Variants in SPATA18 observed in about 807,000 individuals in gnomAD.
SPATA18 encodes spermatogenesis associated 18.
In SPATA18, 54 loss-of-function variants were observed where a neutral mutation model predicts 68.1. The observed-to-expected ratio is 0.79, with a 90% CI of 0.64 to 0.99. SPATA18 has a LOEUF of 0.99. Among genes scored for constraint, SPATA18 ranks in the 50% least tolerant of loss-of-function variants. SPATA18 has a pLI of 0.00. For missense variants in SPATA18, 724 were observed against 681.1 expected (o/e 1.06, Z -0.70); for synonymous variants, 242 against 244.8 (o/e 0.99, Z 0.11).
At chr4:52,091,946 G>T (rs1037628123) in intron 11 of SPATA18, among the ~76,000 whole-genome samples, 1 of 152,214 alleles carries the variant, frequency 6.6e-6, no homozygotes, top group East Asian at 1.9e-4. Context: ...CAGCAGCCTT[G>T]CTGAGCTGCA....
chr4:52,090,752 C>T (rs769181993), intron 11 of SPATA18, among the ~76,000 whole-genome samples: 12 of 152,014 alleles, frequency 7.9e-5, no homozygotes, highest in African/African-American at 1.4e-4. Flanking sequence ...GTGAATCTGA[C>T]GATTATGTGT....
chr4:52,082,529 G>C lies in SPATA18; in HGVS notation c.1479+19G>C, dbSNP rs772323666. 2.5e-6 allele frequency: 4 copies of C among 1,613,984 alleles called. No individual in the cohort carries two copies. Among genetic ancestry groups the C allele is most frequent in the Non-Finnish European group, 3.4e-6 (4 of 1,179,914 alleles). On this transcript the variant is annotated intron_variant, in intron 10 of 12. Transcript: ENST00000295213. ...GGCTTTTGTACGGTGGCCTTGCATA[G>C]TGACAATTCATCCCAAGTGTTTGAT...
intron 11 of SPATA18, among the ~76,000 whole-genome samples, chr4:52,089,061 T>G (rs938691863): frequency 2.0e-5 from 3 of 152,236 alleles, no homozygotes; most frequent in Non-Finnish European, 4.4e-5. Flanking sequence ...TTTTCTAGTT[T>G]ATTTGTGAAG....
At chr4:52,073,670 C>A (rs2109466044) in intron 6 of SPATA18, among the ~76,000 whole-genome samples, 1 of 152,270 alleles carries the variant, frequency 6.6e-6, no homozygotes, top group South Asian at 2.1e-4. Context: ...CCTCTGGAGG[C>A]TGAGGCAGGA....
chr4:52,084,448 A>T (rs1741243284), intron 10 of SPATA18, among the ~76,000 whole-genome samples: 1 of 152,208 alleles, frequency 6.6e-6, no homozygotes, highest in African/African-American at 2.4e-5. Flanking sequence ...TTATTCATTT[A>T]GTTAGAAAGC....
Position 52,069,874 on chromosome 4 carries a change from C to A in SPATA18, c.476C>A (p.Ser159Tyr). The A allele has an allele frequency of 6.3e-7, 1 of 1,596,888 alleles. No individual in the cohort carries two copies. The change falls in exon 5 of 13, where the codon TCC becomes TAC. Residue 159 changes from serine (S) to tyrosine (Y), a missense_variant. Coordinates refer to ENST00000295213, the MANE Select transcript of SPATA18 (RefSeq NM_145263.4). ...LEESKNRSAI[S>Y]LLAAEEEINQ... is the part of the protein sequence containing the mutation. ...GAAAGCAAGAACAGATCGGCCATAT[C>A]CCTTTTGGCTGCAGAGGAGGAAATA... is the stretch of plus-strand genomic sequence containing the variant.
intron 1 of SPATA18, among the ~76,000 whole-genome samples, chr4:52,055,693 C>T (rs1012679852): frequency 2.0e-5 from 3 of 152,120 alleles, no homozygotes; most frequent in Non-Finnish European, 2.9e-5. Context: ...AGGCCCCACG[C>T]GAGAGCAATT....
chr4:52,076,648 A>G, intron 6 of SPATA18, 131 bp from the exon 7 acceptor site: 2 of 1,208,876 alleles, frequency 1.7e-6, no homozygotes, highest in Non-Finnish European at 2.3e-6. Flanking sequence ...AGGGAAGTCT[A>G]ATCACTTCTG....
At chr4:52,091,522 C>T (rs990046837) in intron 11 of SPATA18, among the ~76,000 whole-genome samples, 10 of 152,206 alleles carry the variant, frequency 6.6e-5, no homozygotes, top group Non-Finnish European at 1.5e-4. Flanking sequence ...TTTTAACAGT[C>T]AGGCCCCTCT....
At chr4:52,078,984 A>G (rs1488288883) in intron 8 of SPATA18, 91 bp downstream of exon 8, 2 of 1,304,178 alleles carry the variant, frequency 1.5e-6, no homozygotes, top group African/African-American at 2.9e-5. Context: ...TCCAGTATTT[A>G]GTATTAATTC....
At chr4:52,062,174 T>C (rs952846383) in intron 3 of SPATA18, 46 bp from the exon 4 acceptor site, 1 of 1,187,690 alleles carries the variant, frequency 8.4e-7, no homozygotes, top group African/African-American at 1.6e-5. Flanking sequence ...TGTCATTTAA[T>C]GTATTCAGAC....
intron 1 of SPATA18, among the ~76,000 whole-genome samples, chr4:52,057,388 A>T (rs772080742): frequency 5.3e-5 from 8 of 152,194 alleles, no homozygotes; most frequent in Non-Finnish European, 7.3e-5. Flanking sequence ...CAACTTGATT[A>T]TCTTGTGCAA....
intron 4 of SPATA18, among the ~76,000 whole-genome samples, chr4:52,066,280 A>G (rs1739304895): frequency 6.6e-6 from 1 of 151,944 alleles, no homozygotes; most frequent in African/African-American, 2.4e-5. Context: ...CCTCCTGAAT[A>G]GCTGGGATTA....
chr4:52,079,317 G>C (rs952445484), intron 8 of SPATA18, among the ~76,000 whole-genome samples: 2 of 152,148 alleles, frequency 1.3e-5, no homozygotes. Flanking sequence ...AGCATTAAAT[G>C]AAAGAAAGTA....
intron 6 of SPATA18, 152 bp from the exon 7 acceptor site, chr4:52,076,627 A>T: frequency 1.0e-6 from 1 of 964,428 alleles, no homozygotes; most frequent in Non-Finnish European, 1.5e-6. Flanking sequence ...CAGATGCTGG[A>T]GTCAGATAAT....
chr4:52,083,127 A>C (rs1288560700), intron 10 of SPATA18: 1 of 985,280 alleles, frequency 1.0e-6, no homozygotes, highest in Admixed American at 6.1e-5. Context: ...GTATGTGAGC[A>C]TGTGGGTGTG....
At chr4:52,072,209 G>GAA in intron 6 of SPATA18, 53 bp downstream of exon 6, 1 of 1,586,616 alleles carries the variant, frequency 6.3e-7, no homozygotes, top group South Asian at 1.2e-5. Context: ...GCTGAGTTAA[G>GAA]GGATCGGGGA....
intron 10 of SPATA18, 53 bp downstream of exon 10, chr4:52,082,563 T>C: frequency 6.2e-7 from 1 of 1,613,522 alleles, no homozygotes; most frequent in Non-Finnish European, 8.5e-7. Context: ...ATTCACAAGT[T>C]CGAGAACATT....
At chr4:52,060,616 G>A (rs1738750655) in intron 2 of SPATA18, 92 bp downstream of exon 2, 1 of 1,340,676 alleles carries the variant, frequency 7.5e-7, no homozygotes, top group Admixed American at 1.9e-5. Flanking sequence ...TGGTGTGGTT[G>A]GGTTTCTCTC....
Sources: gnomAD v4.1 joint callset for allele counts (sites outside exome capture counted in the v4.1 genomes callset) on GRCh38, gnomAD v4.1.1 for gene constraint, MANE v1.5 for transcripts, NCBI Gene and HGNC (gene_info 2026-07-23, HGNC 2026-07-21) for gene names.